KANK1: variants seen among roughly 807,000 people sequenced by gnomAD.
The protein encoded by KANK1 is KN motif and ankyrin repeat domains 1.
A neutral mutation model predicts 106.2 loss-of-function variants in KANK1; 109 were observed. The ratio of observed to expected loss-of-function variants is 1.03; its 90% CI spans 0.88 to 1.20. KANK1 has a LOEUF of 1.20. KANK1 is among the 50% of genes most tolerant of loss of function. The probability of loss-of-function intolerance (pLI) is 0.00; values close to 1 mark genes in which losing one functional copy is unlikely to be tolerated. For synonymous variants in KANK1, 873 were observed against 652.2 expected (o/e 1.34, Z -5.16); for missense variants, 2,399 against 1,710.7 (o/e 1.40, Z -7.10).
intron 1 of KANK1, among the ~76,000 whole-genome samples, chr9:585,236 T>C (rs1260253819): frequency 1.3e-5 from 2 of 152,212 alleles, no homozygotes; most frequent in East Asian, 1.9e-4. Flanking sequence ...GGTAAAACTC[T>C]AGCAACAAGT....
At chr9:715,561 A>T (rs943294148) in intron 3 of KANK1, among the ~76,000 whole-genome samples, 1 of 152,170 alleles carries the variant, frequency 6.6e-6, no homozygotes, top group African/African-American at 2.4e-5. Flanking sequence ...TTTTTGGTCT[A>T]TTTCCAGTCA....
At chr9:601,946 C>G (rs984042505) in intron 1 of KANK1, among the ~76,000 whole-genome samples, 1 of 151,804 alleles carries the variant, frequency 6.6e-6, no homozygotes, top group African/African-American at 2.4e-5. Context: ...GGCTTTTTGT[C>G]TTCCATGAGT....
At chr9:727,514 C>A (rs546016387) in intron 3 of KANK1, among the ~76,000 whole-genome samples, 11 of 151,980 alleles carry the variant, frequency 7.2e-5, no homozygotes, top group Non-Finnish European at 1.2e-4. Context: ...TGGAGTTTCA[C>A]CATGTTGGCC....
At chr9:521,062 C>A (rs540424005) in intron 1 of KANK1, among the ~76,000 whole-genome samples, 1 of 151,766 alleles carries the variant, frequency 6.6e-6, no homozygotes, top group Admixed American at 6.5e-5. Flanking sequence ...ATTTTTCTTT[C>A]AAAAATGAAA....
chr9:701,670 A>G (rs1011848469), intron 2 of KANK1, among the ~76,000 whole-genome samples: 2 of 152,100 alleles, frequency 1.3e-5, no homozygotes, highest in Non-Finnish European at 2.9e-5. Context: ...CGCGGGGGCA[A>G]AATCACCTCC....
intron 1 of KANK1, among the ~76,000 whole-genome samples, chr9:643,034 C>G (rs1588509488): frequency 6.6e-6 from 1 of 150,528 alleles, no homozygotes; most frequent in East Asian, 1.9e-4. Context: ...AGAGGAAAGC[C>G]TATTTGGAAA....
At chr9:636,762 G>T (rs1837234052) in intron 1 of KANK1, among the ~76,000 whole-genome samples, 1 of 152,174 alleles carries the variant, frequency 6.6e-6, no homozygotes, top group Non-Finnish European at 1.5e-5. Context: ...AGCTACTCAG[G>T]AGGCTGAGGC....
At chr9:581,321 C>T (rs10491601) in intron 1 of KANK1, among the ~76,000 whole-genome samples, 7,328 of 152,316 alleles carry the variant, frequency 0.048, 591 homozygotes, top group African/African-American at 0.17. Context: ...CAATGCCTAT[C>T]TTAAACAGAC....
At chr9:504,556 C>T (rs1013627317), upstream of KANK1, 2 of 151,566 alleles carry the variant, frequency 1.3e-5, no homozygotes, top group African/African-American at 4.8e-5. Context: ...GGCGCAGCCA[C>T]AGCTGTCGCC....
chr9:515,008 G>C (rs955607117), intron 1 of KANK1, among the ~76,000 whole-genome samples: 1 of 151,752 alleles, frequency 6.6e-6, no homozygotes, highest in Non-Finnish European at 1.5e-5. Flanking sequence ...ACCTCAAAAA[G>C]GGTTCATACT....
intron 3 of KANK1, among the ~76,000 whole-genome samples, chr9:475,368 G>T (rs939822164): frequency 6.6e-6 from 1 of 152,196 alleles, no homozygotes; most frequent in African/African-American, 2.4e-5. Flanking sequence ...CCAAGACCCC[G>T]AAAGTATGCC....
intron 2 of KANK1, among the ~76,000 whole-genome samples, chr9:700,112 G>A (rs561207435): frequency 1.8e-4 from 28 of 152,342 alleles, no homozygotes; most frequent in African/African-American, 6.0e-4. Flanking sequence ...AGCCTAGCAC[G>A]TGGCAGGTGC....
intron 4 of KANK1, 115 bp from the exon 5 acceptor site, chr9:731,043 A>G (rs570628677): frequency 4.6e-5 from 23 of 500,346 alleles, no homozygotes; most frequent in Non-Finnish European, 6.4e-5. Context: ...AACTTCTCAC[A>G]TATATATGCC....
At chr9:568,344 A>G (rs1818318840) in intron 1 of KANK1, among the ~76,000 whole-genome samples, 1 of 152,336 alleles carries the variant, frequency 6.6e-6, no homozygotes, top group South Asian at 2.1e-4. Context: ...CTTAATCTTC[A>G]TAAACATGTT....
At chr9:600,128 G>A (rs1827355088) in intron 1 of KANK1, among the ~76,000 whole-genome samples, 1 of 151,158 alleles carries the variant, frequency 6.6e-6, no homozygotes, top group East Asian at 1.9e-4. Flanking sequence ...TCACATTATT[G>A]CGCAACCAGT....
intron 2 of KANK1, chr9:684,572 G>C (rs1022678298): frequency 2.2e-5 from 22 of 985,276 alleles, no homozygotes; most frequent in Admixed American, 1.8e-4. Flanking sequence ...CAGACTTCTC[G>C]TTGTGAGTAT....
intron 2 of KANK1, among the ~76,000 whole-genome samples, chr9:699,554 A>C (rs755264863): frequency 6.6e-6 from 1 of 152,138 alleles, no homozygotes; most frequent in Non-Finnish European, 1.5e-5. Flanking sequence ...AAATCCAAAG[A>C]TTTGTGGGGA....
At chr9:501,633 C>T (rs2058554867), upstream of KANK1, among the ~76,000 whole-genome samples, 1 of 151,968 alleles carries the variant, frequency 6.6e-6, no homozygotes, top group Non-Finnish European at 1.5e-5. Context: ...CACACACACA[C>T]ACACACACCC....
chr9:732,123 C>T (rs767798517), intron 5 of KANK1: 2 of 346,004 alleles, frequency 5.8e-6, no homozygotes, highest in South Asian at 5.2e-5. Flanking sequence ...TATGCTAAGC[C>T]GGAGATGCCA....
Sources: allele counts gnomAD v4.1 joint callset (sites outside exome capture counted in the v4.1 genomes callset), GRCh38; gene constraint gnomAD v4.1.1; transcripts MANE v1.5; gene names NCBI Gene and HGNC (gene_info 2026-07-23, HGNC 2026-07-21).